CCSER1: variants seen among roughly 807,000 people sequenced by gnomAD.
The protein encoded by CCSER1 is coiled-coil serine rich protein 1, also known as serine-rich coiled-coil domain-containing protein 1.
A neutral mutation model predicts 82.0 loss-of-function variants in CCSER1; 41 were observed. The observed-to-expected ratio is 0.50, with a 90% CI of 0.39 to 0.65. The LOEUF (loss-of-function observed/expected upper bound fraction) is 0.65, where lower values mean the gene tolerates loss of function less well. CCSER1 is among the 30% of genes least tolerant of loss of function. The probability of loss-of-function intolerance (pLI) is 0.00; values close to 1 mark genes in which losing one functional copy is unlikely to be tolerated. For missense variants in CCSER1, 1,119 were observed against 1,064.2 expected, an observed-to-expected ratio of 1.05 and a Z score of -0.72; for synonymous variants, 414 against 383.9, an observed-to-expected ratio of 1.08 and a Z score of -0.92.
intron 1 of CCSER1, among the ~76,000 whole-genome samples, chr4:90,302,571 CAGG>C (rs1733363815): frequency 6.6e-6 from 1 of 152,100 alleles, no homozygotes; most frequent in Non-Finnish European, 1.5e-5. Flanking sequence ...GACACCGAGG[CAGG>C]AGGATTGCTT....
At chr4:91,585,037 T>C (rs1344671282) in intron 10 of CCSER1, among the ~76,000 whole-genome samples, 1 of 151,542 alleles carries the variant, frequency 6.6e-6, no homozygotes, top group Non-Finnish European at 1.5e-5. Flanking sequence ...AAACCTTTAA[T>C]TGACCTTCAT....
At chr4:90,225,473 AT>A (rs886683919) in intron 1 of CCSER1, among the ~76,000 whole-genome samples, 1 of 152,086 alleles carries the variant, frequency 6.6e-6, no homozygotes, top group African/African-American at 2.4e-5. Context: ...AGTGGGACAG[AT>A]TTCTATAGAT....
intron 8 of CCSER1, among the ~76,000 whole-genome samples, chr4:90,870,556 A>C (rs1453067986): frequency 2.0e-5 from 3 of 151,792 alleles, no homozygotes; most frequent in Non-Finnish European, 2.9e-5. Flanking sequence ...ATGATGAATG[A>C]TCTTTTTAAT....
rs747773010 is a variant in CCSER1, at chr4:90,309,572, A to G, written c.1288A>G (p.Lys430Glu). ...PTSGDHHIFN[K>E]TSHGYEANPA... Reference sequence around the variant, plus strand: ...TTCTGGTGATCATCATATTTTTAACAAAACATCACATGGATATGAAGCAAA... The same window carrying G: ...TTCTGGTGATCATCATATTTTTAACGAAACATCACATGGATATGAAGCAAA... Residue 430 changes from lysine to glutamate, a missense_variant, in exon 2 of 11, where the codon AAA (lysine) becomes GAA (glutamate). Coordinates refer to ENST00000509176, the MANE Select transcript of CCSER1 (RefSeq NM_001145065.2). 1 of 1,603,610 alleles carries G rather than the reference A, an allele frequency of 6.2e-7. No homozygotes were observed. Among genetic ancestry groups the G allele is most frequent in the South Asian group, 1.1e-5 (1 of 88,352 alleles).
chr4:90,349,864 G>T (rs1363429880), intron 3 of CCSER1, among the ~76,000 whole-genome samples: 3 of 90,618 alleles, frequency 3.3e-5, no homozygotes, highest in African/African-American at 2.0e-4. Flanking sequence ...GAGGCATAGT[G>T]AGTTTAAGTA....
intron 3 of CCSER1, among the ~76,000 whole-genome samples, chr4:90,389,227 T>C (rs962150517): frequency 6.6e-6 from 1 of 152,144 alleles, no homozygotes; most frequent in Non-Finnish European, 1.5e-5. Flanking sequence ...TTTTCAGAAT[T>C]ATACACACTG....
chr4:91,581,853 A>G (rs543095048), intron 10 of CCSER1, among the ~76,000 whole-genome samples: 1 of 148,958 alleles, frequency 6.7e-6, no homozygotes, highest in Non-Finnish European at 1.5e-5. Flanking sequence ...CTAATAGTCC[A>G]CCCCCCTCAT....
intron 6 of CCSER1, among the ~76,000 whole-genome samples, chr4:90,670,403 T>G (rs1296691405): frequency 1.6e-4 from 25 of 152,124 alleles, no homozygotes; most frequent in Non-Finnish European, 1.5e-5. Flanking sequence ...CACTGCAGTC[T>G]AGATTCAGCC....
At chr4:91,257,502 C>CA (rs3221040) in intron 10 of CCSER1, among the ~76,000 whole-genome samples, 2 of 148,384 alleles carry the variant, frequency 1.3e-5, no homozygotes, top group African/African-American at 2.5e-5. Context: ...CACACACACA[C>CA]CCATTTCTGT....
At chr4:91,094,234 G>A (rs1724268484) in intron 10 of CCSER1, among the ~76,000 whole-genome samples, 1 of 152,288 alleles carries the variant, frequency 6.6e-6, no homozygotes, top group East Asian at 1.9e-4. Flanking sequence ...CCCCGAAGAT[G>A]GTGGGGTAAT....
chr4:91,553,625 G>T (rs1167244140), intron 10 of CCSER1, among the ~76,000 whole-genome samples: 11 of 149,966 alleles, frequency 7.3e-5, no homozygotes, highest in Non-Finnish European at 1.0e-4. Flanking sequence ...TCAAGTTTTT[G>T]TATTTCTGCA....
intron 10 of CCSER1, among the ~76,000 whole-genome samples, chr4:91,093,413 C>T (rs951602489): frequency 1.1e-4 from 17 of 152,186 alleles, no homozygotes; most frequent in Non-Finnish European, 1.6e-4. Flanking sequence ...AATGGTTATG[C>T]GGGGGTTTTC....
rs1051090153 is a variant in CCSER1 at position 90,930,469 on chromosome 4, G to A, written c.2172+7022G>A. Among the ~76,000 whole-genome samples, 12 of 152,052 alleles carry A rather than the reference G, an allele frequency of 7.9e-5. 1 individual carries two copies. In the East Asian group the frequency reaches 2.3e-3, roughly 30 times the overall value. ...TTAAAAAAAAAATTAGCCAGGCGTA[G>A]GTGGTGCACGCCTGTAGTCCCAGCT... is the stretch of plus-strand genomic sequence containing the variant. On this transcript the variant is annotated intron_variant, in intron 9 of 10. Transcript: ENST00000509176.
Position 91,337,243 on chromosome 4 carries a change from A to C in CCSER1, c.2217+251249A>C, listed in dbSNP as rs188906564. ...TTATTTGAACTGAATGCAGGTTAGA[A>C]TGATAATGCTTACTTATAACGCATG... On this transcript the variant is annotated intron_variant, in intron 10 of 10. Transcript: ENST00000509176. Among the ~76,000 whole-genome samples the C allele has an allele frequency of 2.0e-4, 31 of 152,240 alleles. No homozygotes were observed. The East Asian group carries it at 4.4e-3, about 22-fold the overall frequency.
chr4:91,015,167 C>T (rs1278199712), intron 9 of CCSER1, among the ~76,000 whole-genome samples: 1 of 151,856 alleles, frequency 6.6e-6, no homozygotes, highest in African/African-American at 2.4e-5. Flanking sequence ...AATAACATTG[C>T]AGAAAGGATG....
At chr4:91,151,230 C>A (rs1447921046) in intron 10 of CCSER1, among the ~76,000 whole-genome samples, 1 of 152,098 alleles carries the variant, frequency 6.6e-6, no homozygotes, top group Non-Finnish European at 1.5e-5. Context: ...TTATCCATTT[C>A]TTCTAGATTT....
rs1352185371 is a variant in CCSER1, at chr4:91,600,673, A to G, written c.*1616A>G. The stretch of plus-strand genomic sequence containing the variant: ...GACACTCCACCCCTGAGCTTTAACT[A>G]CTGAACTTTGATACATTTGCAAACT... On this transcript the variant is annotated 3_prime_UTR_variant, in exon 11 of 11. Transcript: ENST00000509176. 1.3e-5 allele frequency: 2 copies of G among 152,154 alleles called. No homozygotes were observed. Among genetic ancestry groups the G allele is most frequent in the Admixed American group, 6.6e-5 (1 of 15,250 alleles). 9.4% of individuals were successfully genotyped at this position (152,154 alleles called of 1,614,324 possible). A position where few individuals can be genotyped will look rare whatever the true frequency, so the allele number is the denominator to read the frequency against.
intron 5 of CCSER1, among the ~76,000 whole-genome samples, chr4:90,533,509 A>G (rs1774907107): frequency 1.3e-5 from 2 of 152,162 alleles, no homozygotes; most frequent in Admixed American, 6.5e-5. Context: ...CTCTTTGCAT[A>G]ATTGCAGATA....
chr4:90,562,956 T>C (rs2666200), intron 5 of CCSER1, among the ~76,000 whole-genome samples: 2 of 151,856 alleles, frequency 1.3e-5, no homozygotes, highest in Non-Finnish European at 2.9e-5. Context: ...ATATTTAAAG[T>C]ATACTTGTAT....
Sources: gnomAD v4.1 joint callset for allele counts (sites outside exome capture counted in the v4.1 genomes callset) on GRCh38, gnomAD v4.1.1 for gene constraint, MANE v1.5 for transcripts, NCBI Gene and HGNC (gene_info 2026-07-23, HGNC 2026-07-21) for gene names.